OPRM1: variants seen among roughly 807,000 people sequenced by gnomAD.
The protein encoded by OPRM1 is mu-type opioid receptor.
OPRM1 carries 27 observed loss-of-function variants against 31.8 expected under a neutral mutation model. The observed-to-expected ratio is 0.85, with a 90% CI of 0.63 to 1.17. OPRM1 has a LOEUF of 1.17. OPRM1 is among the 50% of genes most tolerant of loss of function. OPRM1 has a pLI of 0.00. For synonymous variants in OPRM1, 196 were observed against 189.9 expected (o/e 1.03, Z -0.26); for missense variants, 536 against 511.1 (o/e 1.05, Z -0.47).
rs772991231 is a variant in OPRM1 at position 154,118,757 on chromosome 6, A to T, written c.*36A>T. On this transcript the variant is annotated 3_prime_UTR_variant, in exon 4 of 4. Coordinates refer to ENST00000330432, the MANE Select transcript of OPRM1 (RefSeq NM_000914.5). ...TGCCATTCCGACCTTCACCAAGCTT[A>T]GAAGCCACCATGTATGTGGAAGCAG... is the stretch of plus-strand genomic sequence containing the variant. The T allele has an allele frequency of 5.0e-6, 8 of 1,611,630 alleles. No individual in the cohort carries two copies. In the South Asian group the frequency reaches 8.8e-5, roughly 18 times the overall value.
In OPRM1 at chr6:154,039,692, A is replaced by G; in HGVS notation, c.148A>G (p.Thr50Ala). Reference protein sequence around the residue: ...NLSDPCGPNRTDLGGRDSLCP... With the variant: ...NLSDPCGPNRADLGGRDSLCP... ...GTCCGACCCATGCGGTCCGAACCGC[A>G]CCGACCTGGGCGGGAGAGACAGCCT... is the stretch of plus-strand genomic sequence containing the variant. The change falls in exon 1 of 4, where the codon ACC (threonine) becomes GCC (alanine). Residue 50 changes from threonine (T) to alanine (A), a missense_variant. By Grantham distance (58) the Thr-to-Ala change is moderately conservative. Transcript: ENST00000330432. 1 of 1,613,918 alleles carries G rather than the reference A, an allele frequency of 6.2e-7. No individual in the cohort carries two copies. Among genetic ancestry groups the G allele is most frequent in the Non-Finnish European group, 8.5e-7 (1 of 1,180,034 alleles).
chr6:154,165,965 A>T (rs547310036), intron 3 of OPRM1, among the ~76,000 whole-genome samples: 1 of 152,342 alleles, frequency 6.6e-6, no homozygotes, highest in South Asian at 2.1e-4. Context: ...AATCCTGCCA[A>T]TAATTAACAT....
intron 1 of OPRM1, among the ~76,000 whole-genome samples, chr6:154,059,065 C>T (rs1219241239): frequency 6.6e-6 from 1 of 152,154 alleles, no homozygotes; most frequent in South Asian, 2.1e-4. Flanking sequence ...GGATGGCTGA[C>T]AGGTATATTA....
chr6:154,090,723 T>C (rs1181490706), intron 2 of OPRM1, among the ~76,000 whole-genome samples: 1 of 152,160 alleles, frequency 6.6e-6, no homozygotes, highest in Non-Finnish European at 1.5e-5. Flanking sequence ...GAAAGCTTAA[T>C]GTGATCGAAG....
intron 3 of OPRM1, among the ~76,000 whole-genome samples, chr6:154,109,784 CTCTCTCTCTGTGTGTGTGTG>C (rs1241560926): frequency 1.6e-5 from 2 of 121,526 alleles, no homozygotes; most frequent in South Asian, 2.6e-4. Context: ...CTCTCTCTCT[CTCTCTCTCTGTGTGTGTGTG>C]TGTGTGTGTG....
intron 1 of OPRM1, among the ~76,000 whole-genome samples, chr6:154,019,843 C>A (rs1362219789): frequency 6.6e-6 from 1 of 151,308 alleles, no homozygotes; most frequent in African/African-American, 2.4e-5. Context: ...AAGCAATCCC[C>A]CCATCTCAGT....
intron 3 of OPRM1, among the ~76,000 whole-genome samples, chr6:154,196,176 T>C (rs1229548875): frequency 6.6e-6 from 1 of 152,148 alleles, no homozygotes; most frequent in East Asian, 1.9e-4. Context: ...ATACACAATA[T>C]AATAATGCAA....
chr6:154,096,385 G>A (rs767152443), intron 3 of OPRM1, among the ~76,000 whole-genome samples: 21 of 152,042 alleles, frequency 1.4e-4, no homozygotes, highest in Non-Finnish European at 2.5e-4. Flanking sequence ...ATCTTGACAC[G>A]TAGGTGATTA....
intron 3 of OPRM1, among the ~76,000 whole-genome samples, chr6:154,199,080 T>A (rs1362117599): frequency 6.6e-6 from 1 of 152,224 alleles, no homozygotes; most frequent in East Asian, 1.9e-4. Context: ...CACAATTAAT[T>A]CTTTCCTTTG....
intron 3 of OPRM1, among the ~76,000 whole-genome samples, chr6:154,224,598 C>T (rs1454507057): frequency 6.6e-6 from 1 of 152,008 alleles, no homozygotes; most frequent in Non-Finnish European, 1.5e-5. Flanking sequence ...GTAATTTCAG[C>T]TACTTGGGAA....
At chr6:154,089,585 CAA>C (rs5881062) in intron 1 of OPRM1, among the ~76,000 whole-genome samples, 9 of 129,578 alleles carry the variant, frequency 6.9e-5, no homozygotes, top group Non-Finnish European at 3.3e-5. Flanking sequence ...AGATCCTATC[CAA>C]AAAAAAAAAA....
intron 3 of OPRM1, among the ~76,000 whole-genome samples, chr6:154,236,853 T>C (rs1448846784): frequency 3.3e-5 from 5 of 152,330 alleles, no homozygotes; most frequent in African/African-American, 1.2e-4. Context: ...TTCAAGGGAA[T>C]GTAGAGATTC....
chr6:154,014,124 G>C (rs997899316), intron 1 of OPRM1, among the ~76,000 whole-genome samples: 2 of 152,144 alleles, frequency 1.3e-5, no homozygotes, highest in African/African-American at 2.4e-5. Flanking sequence ...TAACTGATAA[G>C]ACACCTTAAG....
intron 3 of OPRM1, among the ~76,000 whole-genome samples, chr6:154,174,247 G>C (rs1330466439): frequency 1.4e-4 from 21 of 152,146 alleles, no homozygotes; most frequent in Admixed American, 1.4e-3. Flanking sequence ...ATCAATGCTA[G>C]GAAGAAACTG....
At chr6:154,117,576 G>A (rs544220068) in intron 3 of OPRM1, among the ~76,000 whole-genome samples, 210 of 152,246 alleles carry the variant, frequency 1.4e-3, no homozygotes, top group African/African-American at 4.8e-3. Flanking sequence ...GCACCTGGGG[G>A]AGCAATAAAC....
intron 1 of OPRM1, among the ~76,000 whole-genome samples, chr6:154,065,755 T>TC (rs1042754687): frequency 6.6e-6 from 1 of 152,204 alleles, no homozygotes; most frequent in African/African-American, 2.4e-5. Flanking sequence ...TATTTTTTTT[T>TC]CAAATTTATT....
Position 154,105,681 on chromosome 6 carries a change from A to G in OPRM1, c.1165-13002A>G, listed in dbSNP as rs192069742. 6.6e-5 allele frequency among the ~76,000 whole-genome samples: 10 copies of G among 152,352 alleles called. No homozygotes were observed. The East Asian group carries it at 1.2e-3, about 18-fold the overall frequency. ...GAATTTTACACAACAGTTATAAATAACATACACTAAGTCATATTAGAATTA... is the reference window on the plus strand; with the variant it reads ...GAATTTTACACAACAGTTATAAATAGCATACACTAAGTCATATTAGAATTA... On this transcript the variant is annotated intron_variant, in intron 3 of 3. Transcript: ENST00000330432.
At chr6:154,161,325 A>C (rs9397691) in intron 3 of OPRM1, among the ~76,000 whole-genome samples, 101,387 of 151,262 alleles carry the variant, frequency 0.67, 34,585 homozygotes, top group East Asian at 0.89. Flanking sequence ...ATTCTCCTGC[A>C]TCAACCTCCC....
intron 3 of OPRM1, among the ~76,000 whole-genome samples, chr6:154,099,846 C>A (rs1794219851): frequency 6.9e-6 from 1 of 144,116 alleles, no homozygotes. Flanking sequence ...CAGGATATAT[C>A]ATAATATATT....
Sources: gnomAD v4.1 joint callset for allele counts (sites outside exome capture counted in the v4.1 genomes callset) on GRCh38, gnomAD v4.1.1 for gene constraint, MANE v1.5 for transcripts, NCBI Gene and HGNC (gene_info 2026-07-23, HGNC 2026-07-21) for gene names.